ACOT13: variants seen among roughly 807,000 people sequenced by gnomAD.
ACOT13 encodes acyl-coenzyme A thioesterase 13.
Under a neutral mutation model 11.8 loss-of-function variants are expected in ACOT13, and 10 were observed. The ratio of observed to expected loss-of-function variants is 0.85; its 90% CI spans 0.53 to 1.44. ACOT13 has a LOEUF of 1.44. Among genes scored for constraint, ACOT13 ranks in the 40% most tolerant of loss-of-function variants. The pLI is 0.00. For synonymous variants in ACOT13, 53 were observed against 61.0 expected (o/e 0.87, Z 0.61); for missense variants, 172 against 174.1 (o/e 0.99, Z 0.07).
At position 24,702,766 on chromosome 6, in the gene ACOT13, AAT is replaced by A. The variant is rs1778914338; in HGVS notation, c.*1153_*1154del. On this transcript the variant is annotated 3_prime_UTR_variant, in exon 3 of 3. Transcript: ENST00000230048. ...ATGTTAGTGTTACAGGAAATGGTCCAATAGAGGGGGAAGAAAAAAAGCATGCT... is the reference window on the plus strand; with the variant it reads ...ATGTTAGTGTTACAGGAAATGGTCCAAGAGGGGGAAGAAAAAAAGCATGCT... 1.3e-5 allele frequency: 2 copies of A among 152,214 alleles called. 1 individual carries two copies. Among genetic ancestry groups the A allele is most frequent in the South Asian group, 4.1e-4 (2 of 4,836 alleles). 9.4% of individuals were successfully genotyped at this position (152,214 alleles called of 1,614,324 possible). A position where few individuals can be genotyped will look rare whatever the true frequency, so the allele number is the denominator to read the frequency against.
At chr6:24,682,465 C>G (rs1423755018) in intron 1 of ACOT13, among the ~76,000 whole-genome samples, 1 of 152,138 alleles carries the variant, frequency 6.6e-6, no homozygotes, top group Non-Finnish European at 1.5e-5. Flanking sequence ...TGTTATAGCT[C>G]TATTAGAAGA....
intron 1 of ACOT13, among the ~76,000 whole-genome samples, chr6:24,692,858 C>T (rs111861480): frequency 3.7e-4 from 56 of 152,320 alleles, no homozygotes; most frequent in Middle Eastern, 6.8e-3. Context: ...AACCATTAAG[C>T]GGAAGCCACC....
At chr6:24,687,020 C>T (rs1293623141) in intron 1 of ACOT13, among the ~76,000 whole-genome samples, 1 of 152,178 alleles carries the variant, frequency 6.6e-6, no homozygotes, top group African/African-American at 2.4e-5. Flanking sequence ...TAGGCCCTAC[C>T]TCAGCATTAG....
intron 1 of ACOT13, among the ~76,000 whole-genome samples, chr6:24,681,548 G>GTC (rs1434260122): frequency 7.6e-6 from 1 of 131,624 alleles, no homozygotes; most frequent in Non-Finnish European, 1.6e-5. Flanking sequence ...CTCTGTCTTT[G>GTC]TCTCTCTCTC....
intron 1 of ACOT13, among the ~76,000 whole-genome samples, chr6:24,673,298 C>T (rs945493792): frequency 7.3e-5 from 11 of 150,932 alleles, no homozygotes; most frequent in Non-Finnish European, 1.5e-4. Context: ...GGAGAGAAAG[C>T]TGAAAAAAAA....
At chr6:24,694,977 CTT>C (rs1266484542) in intron 1 of ACOT13, among the ~76,000 whole-genome samples, 1 of 152,168 alleles carries the variant, frequency 6.6e-6, no homozygotes. Context: ...TCAAATGGAA[CTT>C]TAAGAACTAA....
At chr6:24,688,730 ATTGT>A (rs1562160243) in intron 1 of ACOT13, among the ~76,000 whole-genome samples, 1 of 152,014 alleles carries the variant, frequency 6.6e-6, no homozygotes, top group Non-Finnish European at 1.5e-5. Context: ...AGAAATTTCA[ATTGT>A]TTATTTTTAA....
chr6:24,690,879 C>T (rs1778709706), intron 1 of ACOT13, among the ~76,000 whole-genome samples: 1 of 152,226 alleles, frequency 6.6e-6, no homozygotes, highest in African/African-American at 2.4e-5. Context: ...CTTCAAAGTC[C>T]TTTGCAGGTG....
chr6:24,701,338 A>G, intron 2 of ACOT13, 121 bp from the exon 3 acceptor site: 1 of 841,244 alleles, frequency 1.2e-6, no homozygotes, highest in Non-Finnish European at 1.8e-6. Flanking sequence ...AAGCTTACCA[A>G]TACTACCGTT....
intron 1 of ACOT13, among the ~76,000 whole-genome samples, chr6:24,667,929 G>T (rs910750585): frequency 6.6e-6 from 1 of 152,130 alleles, no homozygotes; most frequent in African/African-American, 2.4e-5. Context: ...TTTAGGATGA[G>T]GTTTCGCCCT....
chr6:24,701,766 AGGTGGG>A lies in ACOT13; in HGVS notation c.*156_*161del. On this transcript the variant is annotated 3_prime_UTR_variant, in exon 3 of 3. Transcript: ENST00000230048. ...AGGACCTGGATATCAAGTAGGGTAA[AGGTGGG>A]GGTGTCTTTTTTCACTTTAAGCATC... The A allele has an allele frequency of 2.8e-6, 2 of 719,788 alleles. No individual in the cohort carries two copies. Among genetic ancestry groups the A allele is most frequent in the Non-Finnish European group, 4.2e-6 (2 of 473,232 alleles). The allele number at this position is 719,788 out of a possible 1,614,324, so 44.6% of individuals were successfully genotyped here.
At chr6:24,698,186 A>G (rs1171118360) in intron 2 of ACOT13, 119 bp downstream of exon 2, 1 of 900,614 alleles carries the variant, frequency 1.1e-6, no homozygotes, top group Non-Finnish European at 1.6e-6. Flanking sequence ...TATCTCCTTA[A>G]CTGCACCTAT....
intron 1 of ACOT13, among the ~76,000 whole-genome samples, chr6:24,689,971 T>C (rs766044203): frequency 6.6e-6 from 1 of 152,220 alleles, no homozygotes; most frequent in African/African-American, 2.4e-5. Flanking sequence ...CCATGGAACA[T>C]AGTCAAGATT....
intron 2 of ACOT13, among the ~76,000 whole-genome samples, chr6:24,699,890 C>CAA (rs1778865284): frequency 6.6e-6 from 1 of 152,196 alleles, no homozygotes; most frequent in Non-Finnish European, 1.5e-5. Flanking sequence ...TATGTGTTGC[C>CAA]AAAAGCATTG....
chr6:24,679,022 G>T (rs1778501533), intron 1 of ACOT13, among the ~76,000 whole-genome samples: 1 of 152,212 alleles, frequency 6.6e-6, no homozygotes, highest in Admixed American at 6.5e-5. Flanking sequence ...TTCGTCCCCT[G>T]GGGCAATGGG....
intron 1 of ACOT13, among the ~76,000 whole-genome samples, chr6:24,695,361 C>T (rs1007957305): frequency 4.6e-5 from 7 of 152,050 alleles, no homozygotes; most frequent in Non-Finnish European, 8.8e-5. Context: ...GTCTACAAGC[C>T]GCTCGTATTT....
chr6:24,691,905 T>G (rs1454713455), intron 1 of ACOT13, among the ~76,000 whole-genome samples: 1 of 152,244 alleles, frequency 6.6e-6, no homozygotes, highest in African/African-American at 2.4e-5. Context: ...TCAAGGATCA[T>G]GCTGAAGGCA....
At chr6:24,677,209 CA>C (rs1381720102) in intron 1 of ACOT13, among the ~76,000 whole-genome samples, 2 of 152,194 alleles carry the variant, frequency 1.3e-5, no homozygotes, top group African/African-American at 4.8e-5. Context: ...TAGGTTTGAG[CA>C]ATCACATGTT....
At chr6:24,669,397 G>T (rs1374158935) in intron 1 of ACOT13, among the ~76,000 whole-genome samples, 1 of 152,200 alleles carries the variant, frequency 6.6e-6, no homozygotes, top group Non-Finnish European at 1.5e-5. Flanking sequence ...TTCCTAAGGA[G>T]GCAGTCAGAT....
Sources: allele counts gnomAD v4.1 joint callset (sites outside exome capture counted in the v4.1 genomes callset), GRCh38; gene constraint gnomAD v4.1.1; transcripts MANE v1.5; gene names NCBI Gene and HGNC (gene_info 2026-07-23, HGNC 2026-07-21).